PRMT8: variants seen among roughly 807,000 people sequenced by gnomAD.
PRMT8 encodes the protein protein arginine N-methyltransferase 8.
A neutral mutation model predicts 47.1 loss-of-function variants in PRMT8; 7 were observed. The ratio of observed to expected loss-of-function variants is 0.15; its 90% CI spans 0.08 to 0.28. The LOEUF (loss-of-function observed/expected upper bound fraction) is 0.28. PRMT8 is among the 10% of genes least tolerant of loss of function. The pLI, the probability that PRMT8 is intolerant of heterozygous loss-of-function variation, is 1.00. For synonymous variants in PRMT8, 188 were observed against 186.5 expected, an observed-to-expected ratio of 1.01 and a Z score of -0.07; for missense variants, 237 against 505.4, an observed-to-expected ratio of 0.47 and a Z score of 5.09.
chr12:3,563,287 G>C (rs76714138), intron 4 of PRMT8, among the ~76,000 whole-genome samples: 1 of 152,030 alleles, frequency 6.6e-6, no homozygotes, highest in African/African-American at 2.4e-5. Context: ...AAGAGAGCCA[G>C]AGCGGGCTAG....
Position 3,483,625 on chromosome 12 carries a change from G to A in PRMT8, c.49-56981G>A, listed in dbSNP as rs572583797. 2.0e-5 allele frequency among the ~76,000 whole-genome samples: 3 copies of A among 152,282 alleles called. No homozygotes were observed. The South Asian group carries it at 6.2e-4, about 32-fold the overall frequency. ...TCTGGCTGGCTTCTCCAGCAACCTG[G>A]CCCCCTGCTTTAAGGACTATGGTCT... On this transcript the variant is annotated intron_variant, in intron 1 of 9. Coordinates refer to the PRMT8 transcript ENST00000452611.
intron 1 of PRMT8, among the ~76,000 whole-genome samples, chr12:3,397,919 C>G (rs7961721): frequency 1.3e-5 from 2 of 151,760 alleles, no homozygotes; most frequent in Non-Finnish European, 2.9e-5. Flanking sequence ...CCTGGTGTGC[C>G]GTTTTTTAAG....
intron 1 of PRMT8, among the ~76,000 whole-genome samples, chr12:3,414,818 C>T (rs1644953088): frequency 6.6e-6 from 1 of 151,988 alleles, no homozygotes; most frequent in Non-Finnish European, 1.5e-5. Context: ...CTCTGATGCT[C>T]AGTTGTATCT....
In PRMT8 at chr12:3,583,322, G is replaced by T; in HGVS notation, c.979+114G>T. 1 of 1,186,284 alleles carries T rather than the reference G, an allele frequency of 8.4e-7. No individual in the cohort carries two copies. The highest frequency in any genetic ancestry group is 1.2e-6 in the Non-Finnish European group (1 of 855,526). The allele number at this position is 1,186,284 out of a possible 1,614,324, so 73.5% of individuals were successfully genotyped here. A position where few individuals can be genotyped will look rare whatever the true frequency, so the allele number is the denominator to read the frequency against. ...GGAGAAGGGGCTGGGTGTTAGCTGG[G>T]TGACACCTATCAACCCTCTCCAGCC... is the stretch of plus-strand genomic sequence containing the variant. On this transcript the variant is annotated intron_variant, in intron 8 of 9. Transcript: ENST00000382622. This position sits in a 1 kb window ranked among gnomAD's most constrained non-coding sequence, Gnocchi z 4.7.
intron 1 of PRMT8, among the ~76,000 whole-genome samples, chr12:3,464,095 T>G (rs1269079616): frequency 6.6e-6 from 1 of 152,144 alleles, no homozygotes; most frequent in African/African-American, 2.4e-5. Flanking sequence ...GGAGGGGATC[T>G]TTAGCGACCT....
intron 1 of PRMT8, among the ~76,000 whole-genome samples, chr12:3,518,333 T>C (rs1865828037): frequency 6.6e-6 from 1 of 151,886 alleles, no homozygotes; most frequent in Non-Finnish European, 1.5e-5. Flanking sequence ...TAGAGAAGCC[T>C]CTATGGGACA....
intron 1 of PRMT8, among the ~76,000 whole-genome samples, chr12:3,430,673 C>T (rs965570983): frequency 6.6e-6 from 1 of 152,224 alleles, no homozygotes; most frequent in African/African-American, 2.4e-5. Context: ...TTTTCTCAAC[C>T]TTTCTAGTTT....
chr12:3,540,966 C>T (rs902175947), intron 2 of PRMT8, among the ~76,000 whole-genome samples, 175 bp downstream of exon 2: 2 of 152,186 alleles, frequency 1.3e-5, no homozygotes, highest in African/African-American at 4.8e-5. Flanking sequence ...GGGGGCCAGG[C>T]CAGGCCTGGA....
At chr12:3,390,166 A>T (rs1864180231) in intron 1 of PRMT8, among the ~76,000 whole-genome samples, 1 of 152,274 alleles carries the variant, frequency 6.6e-6, no homozygotes, top group Non-Finnish European at 1.5e-5. Flanking sequence ...AGGCCCTGTG[A>T]TCTTCCCACT....
At chr12:3,540,474 T>G in intron 1 of PRMT8, 132 bp from the exon 2 acceptor site, 1 of 650,160 alleles carries the variant, frequency 1.5e-6, no homozygotes, top group East Asian at 2.7e-5. Context: ...CTCACCTACC[T>G]CCCTTTCAGG....
chr12:3,418,392 G>A (rs1864504854), intron 1 of PRMT8, among the ~76,000 whole-genome samples: 1 of 152,204 alleles, frequency 6.6e-6, no homozygotes, highest in Non-Finnish European at 1.5e-5. Context: ...TGTGGCTAAG[G>A]CAAATGCTCT....
At chr12:3,410,931 A>G (rs1864422809) in intron 1 of PRMT8, among the ~76,000 whole-genome samples, 1 of 152,188 alleles carries the variant, frequency 6.6e-6, no homozygotes, top group Non-Finnish European at 1.5e-5. Context: ...TGTCTGAAAA[A>G]TATAGTAGTA....
chr12:3,492,905 G>T lies in PRMT8; in HGVS notation c.75+1205G>T, dbSNP rs536382422. Among the ~76,000 whole-genome samples the T allele has an allele frequency of 3.9e-5, 6 of 152,212 alleles. No individual in the cohort carries two copies. In the South Asian group the frequency reaches 1.2e-3, roughly 32 times the overall value. ...CACATATGGTTACCCATATGCAGCG[G>T]GGGGCGGGGATGGGGGTGTGGCGCG... On this transcript the variant is annotated intron_variant, in intron 1 of 9. Coordinates refer to ENST00000382622, the MANE Select transcript of PRMT8 (RefSeq NM_019854.5). The surrounding 1 kb of genome is among the most constrained non-coding windows in gnomAD (Gnocchi z 7.5).
chr12:3,478,714 G>T (rs987610996), intron 1 of PRMT8, among the ~76,000 whole-genome samples: 1 of 152,178 alleles, frequency 6.6e-6, no homozygotes, highest in East Asian at 1.9e-4. Flanking sequence ...AGCTCATGTG[G>T]TCACCTGTTA....
At chr12:3,539,582 C>T (rs572987217) in intron 1 of PRMT8, among the ~76,000 whole-genome samples, 1 of 152,292 alleles carries the variant, frequency 6.6e-6, no homozygotes, top group East Asian at 1.9e-4. Context: ...GCACTCCAGG[C>T]AGAGGAGGTC....
At chr12:3,524,705 G>A (rs1405339483) in intron 1 of PRMT8, among the ~76,000 whole-genome samples, 1 of 151,240 alleles carries the variant, frequency 6.6e-6, no homozygotes, top group Non-Finnish European at 1.5e-5. Flanking sequence ...CGACATTTGG[G>A]AAAATTGTGA....
chr12:3,491,889 T>TGTGTG (rs1565421679), intron 1 of PRMT8, among the ~76,000 whole-genome samples, 189 bp downstream of exon 1: 21 of 32,894 alleles, frequency 6.4e-4, no homozygotes, highest in East Asian at 1.8e-3. Flanking sequence ...TGTGTGTGTG[T>TGTGTG]TGGTGGGGGG....
At chr12:3,425,861 C>T (rs1356396460) in intron 1 of PRMT8, among the ~76,000 whole-genome samples, 5 of 152,238 alleles carry the variant, frequency 3.3e-5, no homozygotes, top group Non-Finnish European at 5.9e-5. Context: ...AAAGGCCTAC[C>T]ACACATCCGC....
intron 1 of PRMT8, among the ~76,000 whole-genome samples, chr12:3,505,334 C>G (rs181194877): frequency 6.6e-6 from 1 of 152,330 alleles, no homozygotes; most frequent in Non-Finnish European, 1.5e-5. Context: ...TTACTCAACA[C>G]GGTGCCCGCC....
Sources: allele counts gnomAD v4.1 joint callset (sites outside exome capture counted in the v4.1 genomes callset), GRCh38; gene constraint gnomAD v4.1.1; non-coding constraint Gnocchi (gnomAD v3.1); transcripts MANE v1.5; gene names NCBI Gene and HGNC (gene_info 2026-07-23, HGNC 2026-07-21).